Variants in PPARA observed in about 807,000 individuals in gnomAD.
PPARA encodes peroxisome proliferator activated receptor alpha.
A neutral mutation model predicts 42.2 loss-of-function variants in PPARA; 22 were observed. The ratio of observed to expected loss-of-function variants is 0.52; its 90% CI spans 0.37 to 0.74. The LOEUF (loss-of-function observed/expected upper bound fraction) is 0.74, where lower values mean the gene tolerates loss of function less well. PPARA is among the 30% of genes least tolerant of loss of function. The pLI is 0.00. For synonymous variants in PPARA, 242 were observed against 239.3 expected, an observed-to-expected ratio of 1.01 and a Z score of -0.10; for missense variants, 465 against 608.2, an observed-to-expected ratio of 0.76 and a Z score of 2.48.
At chr22:46,166,591 C>T (rs983497142) in intron 2 of PPARA, among the ~76,000 whole-genome samples, 1 of 147,628 alleles carries the variant, frequency 6.8e-6, no homozygotes, top group African/African-American at 2.6e-5. Context: ...GCACTCTAGC[C>T]TGGGTGACAG....
rs187127076 is a variant in PPARA, at chr22:46,193,355, C to T, written c.-42-4987C>T. Among the ~76,000 whole-genome samples, 11 of 152,246 alleles carry T rather than the reference C, an allele frequency of 7.2e-5. No individual in the cohort carries two copies. The highest frequency in any genetic ancestry group is 3.3e-4 in the Admixed American group (5 of 15,290). On this transcript the variant is annotated intron_variant, in intron 3 of 8. Coordinates refer to ENST00000407236, the MANE Select transcript of PPARA (RefSeq NM_005036.6). The surrounding 1 kb of genome is among the most constrained non-coding windows in gnomAD (Gnocchi z 5.3). ...TGCTCAGATTACAGGCGTGAGCCAC[C>T]GCACCTGGCCACTGTTTGATAGCAT... is the stretch of plus-strand genomic sequence containing the variant.
rs1456255356 is a variant in PPARA at position 46,180,115 on chromosome 22, G to A, written c.-43+3279G>A. On this transcript the variant is annotated intron_variant, in intron 3 of 8. Coordinates refer to ENST00000407236, the MANE Select transcript of PPARA (RefSeq NM_005036.6). The surrounding 1 kb of genome is among the most constrained non-coding windows in gnomAD (Gnocchi z 4.2). ...GACCATACCAAACATTAGCCATGAT[G>A]TGCAGGAACTAGAACTCTCATCTTT... 6.6e-6 allele frequency among the ~76,000 whole-genome samples: 1 copy of A among 151,908 alleles called. No individual in the cohort carries two copies. The highest frequency in any genetic ancestry group is 1.5e-5 in the Non-Finnish European group (1 of 68,008).
At position 46,180,897 on chromosome 22, in the gene PPARA, A is replaced by G. The variant is rs560720951; in HGVS notation, c.-43+4061A>G. 1.3e-5 allele frequency among the ~76,000 whole-genome samples: 2 copies of G among 152,284 alleles called. No homozygotes were observed. The highest frequency in any genetic ancestry group is 6.5e-5 in the Admixed American group (1 of 15,290). On this transcript the variant is annotated intron_variant, in intron 3 of 8. Transcript: ENST00000407236. The surrounding 1 kb of genome is among the most constrained non-coding windows in gnomAD (Gnocchi z 4.2). ...GGGAGACCTGGGACCTTTGGTGCCAATGGGAGGACTTTAGCCCGGAAAGGA... is the reference window on the plus strand; with the variant it reads ...GGGAGACCTGGGACCTTTGGTGCCAGTGGGAGGACTTTAGCCCGGAAAGGA...
rs932458286 is a variant in PPARA at position 46,216,953 on chromosome 22, C to T, written c.370-1310C>T. Among the ~76,000 whole-genome samples the T allele has an allele frequency of 4.6e-5, 7 of 152,210 alleles. No homozygotes were observed. Among genetic ancestry groups the T allele is most frequent in the Admixed American group, 6.5e-5 (1 of 15,276 alleles). On this transcript the variant is annotated intron_variant, in intron 5 of 8. Coordinates refer to ENST00000407236, the MANE Select transcript of PPARA (RefSeq NM_005036.6). The surrounding 1 kb of genome is among the most constrained non-coding windows in gnomAD (Gnocchi z 4.5). ...ATCAGAAATCCCTTCTCACGGTGCA[C>T]GCTGCAGGTGTTCACTAACTTGGAA...
intron 3 of PPARA, among the ~76,000 whole-genome samples, chr22:46,177,091 G>A (rs1015184143): frequency 7.2e-5 from 11 of 152,116 alleles, no homozygotes; most frequent in African/African-American, 2.4e-4. Flanking sequence ...GGCGCCTGTA[G>A]TCCCAGCTAC....
intron 2 of PPARA, among the ~76,000 whole-genome samples, chr22:46,172,001 C>T (rs148781999): frequency 1.3e-5 from 2 of 152,244 alleles, no homozygotes; most frequent in Non-Finnish European, 2.9e-5. Context: ...GGGAAAGGCT[C>T]CACCGCGTTG....
Position 46,198,374 on chromosome 22 carries a change from T to C in PPARA, c.-10T>C, listed in dbSNP as rs4253793. The stretch of plus-strand genomic sequence containing the variant: ...GAGCTCGGCGGCACAACCAGCACCA[T>C]CTGGTCGCGATGGTGGACACGGAAA... On this transcript the variant is annotated 5_prime_UTR_variant, in exon 4 of 9. Transcript: ENST00000407236. 1.4e-3 allele frequency: 2,278 copies of C among 1,613,222 alleles called. No homozygotes were observed. The highest frequency in any genetic ancestry group is 1.8e-3 in the Non-Finnish European group (2,129 of 1,179,494).
At chr22:46,153,163 C>CTTTTTTTTTTTTTTT (rs996863467) in intron 2 of PPARA, among the ~76,000 whole-genome samples, 1 of 109,220 alleles carries the variant, frequency 9.2e-6, no homozygotes, top group African/African-American at 3.7e-5. Flanking sequence ...TTCCCACATC[C>CTTTTTTTTTTTTTTT]TTTTTTTTTT....
Position 46,241,913 on chromosome 22 carries a change from GAAAAAAA to G in PPARA, c.*6545_*6551del, listed in dbSNP as rs11344804. ...CTCATGGCTGTTAGATGGATTATTTGAAAAAAAAAAAAAAAAAAGAGAGAAAAAATAA... is the reference window on the plus strand; with the variant it reads ...CTCATGGCTGTTAGATGGATTATTTGAAAAAAAAAAAGAGAGAAAAAATAA... On this transcript the variant is annotated 3_prime_UTR_variant, in exon 9 of 9. Transcript: ENST00000407236. This position sits in a 1 kb window ranked among gnomAD's most constrained non-coding sequence, Gnocchi z 5.7. 6 of 95,520 alleles carry G rather than the reference GAAAAAAA, an allele frequency of 6.3e-5. No homozygotes were observed. Among genetic ancestry groups the G allele is most frequent in the South Asian group, 8.3e-4 (2 of 2,400 alleles). 5.9% of individuals were successfully genotyped at this position (95,520 alleles called of 1,614,324 possible). A position where few individuals can be genotyped will look rare whatever the true frequency, so the allele number is the denominator to read the frequency against.
intron 2 of PPARA, 26 bp from the exon 3 acceptor site, chr22:46,176,727 A>G (rs1929116378): frequency 6.6e-6 from 1 of 152,296 alleles, no homozygotes; most frequent in Non-Finnish European, 1.5e-5. Context: ...GGTGATTTAT[A>G]AACAACAGAA....
rs1189610527 is a variant in PPARA, at chr22:46,165,904, C to A, written c.-126-10849C>A. ...CAGTGGCCAGCTGCAGTGGCTCATG[C>A]ATGTAATCCCAGCGCTTTGGGAGGC... On this transcript the variant is annotated intron_variant, in intron 2 of 8. Transcript: ENST00000407236. The surrounding 1 kb of genome is among the most constrained non-coding windows in gnomAD (Gnocchi z 5.5). Among the ~76,000 whole-genome samples, 1 of 152,226 alleles carries A rather than the reference C, an allele frequency of 6.6e-6. No individual in the cohort carries two copies. The highest frequency in any genetic ancestry group is 1.5e-5 in the Non-Finnish European group (1 of 68,044).
rs1372559232 is a variant in PPARA, at chr22:46,163,005, A to T, written c.-127+11035A>T. Among the ~76,000 whole-genome samples, 1 of 152,220 alleles carries T rather than the reference A, an allele frequency of 6.6e-6. No homozygotes were observed. Among genetic ancestry groups the T allele is most frequent in the Non-Finnish European group, 1.5e-5 (1 of 68,036 alleles). On this transcript the variant is annotated intron_variant, in intron 2 of 8. Transcript: ENST00000407236. This position sits in a 1 kb window ranked among gnomAD's most constrained non-coding sequence, Gnocchi z 4.9. ...AAAACAGCAGGCATGATTCCCTGCC[A>T]CTACCAACCACTGCATCGCATAACT...
In PPARA at chr22:46,239,075, C is replaced by T. The variant is rs144417531; in HGVS notation, c.*3695C>T. 1 of 152,306 alleles carries T rather than the reference C, an allele frequency of 6.6e-6. No homozygotes were observed. The highest frequency in any genetic ancestry group is 2.4e-5 in the African/African-American group (1 of 41,532). 9.4% of individuals were successfully genotyped at this position (152,306 alleles called of 1,614,324 possible). ...GGGCAGAAACCCAGAACTCAGCATTCAAGGATGCCCAGGAGAGCTGTCCCT... is the reference window on the plus strand; with the variant it reads ...GGGCAGAAACCCAGAACTCAGCATTTAAGGATGCCCAGGAGAGCTGTCCCT... On this transcript the variant is annotated 3_prime_UTR_variant, in exon 9 of 9. Transcript: ENST00000407236.
At chr22:46,154,068 G>A (rs1306724556) in intron 2 of PPARA, among the ~76,000 whole-genome samples, 1 of 152,144 alleles carries the variant, frequency 6.6e-6, no homozygotes, top group African/African-American at 2.4e-5. Flanking sequence ...CTCTTTATGT[G>A]TATATATTTA....
chr22:46,165,973 TG>T lies in PPARA; in HGVS notation c.-126-10777del, dbSNP rs1426887461. Among the ~76,000 whole-genome samples, 1 of 152,132 alleles carries T rather than the reference TG, an allele frequency of 6.6e-6. No individual in the cohort carries two copies. Among genetic ancestry groups the T allele is most frequent in the East Asian group, 1.9e-4 (1 of 5,184 alleles). ...TGAGTCTGGGAGTTGGAGACCGGCC[TG>T]GGCAACATAGAACCCCATCTCTATT... On this transcript the variant is annotated intron_variant, in intron 2 of 8. Coordinates refer to ENST00000407236, the MANE Select transcript of PPARA (RefSeq NM_005036.6). The surrounding 1 kb of genome is among the most constrained non-coding windows in gnomAD (Gnocchi z 5.5).
rs145265093 is a variant in PPARA at position 46,232,073 on chromosome 22, G to A, written c.993G>A (p.Leu331=). The A allele has an allele frequency of 2.4e-4, 392 of 1,614,204 alleles. No homozygotes were observed. The highest frequency in any genetic ancestry group is 1.8e-3 in the African/African-American group (134 of 75,054). Residue 331 remains leucine, a synonymous_variant, in exon 8 of 9, where the codon CTG becomes CTA. Coordinates refer to ENST00000407236, the MANE Select transcript of PPARA (RefSeq NM_005036.6). The surrounding 1 kb of genome is among the most constrained non-coding windows in gnomAD (Gnocchi z 5.3). ...CTGTGATGAACAAAGACGGGATGCT[G>A]GTAGCGTATGGAAATGGGTTTATAA... ...LSSVMNKDGM[L]VAYGNGFITR... is the part of the protein sequence containing the mutation.
chr22:46,158,359 A>G (rs1276033678), intron 2 of PPARA, among the ~76,000 whole-genome samples: 4 of 152,106 alleles, frequency 2.6e-5, no homozygotes, highest in Non-Finnish European at 4.4e-5. Flanking sequence ...GTGAGCTGAG[A>G]TCGCACCACT....
At chr22:46,201,223 G>A (rs1343296932) in intron 4 of PPARA, among the ~76,000 whole-genome samples, 3 of 152,084 alleles carry the variant, frequency 2.0e-5, no homozygotes, top group Non-Finnish European at 4.4e-5. Context: ...TGCTCTAGAG[G>A]GCTATTCTCT....
In PPARA at chr22:46,212,293, G is replaced by A. The variant is rs541973174; in HGVS notation, c.209-2880G>A. Among the ~76,000 whole-genome samples, 1 of 152,262 alleles carries A rather than the reference G, an allele frequency of 6.6e-6. No individual in the cohort carries two copies. Among genetic ancestry groups the A allele is most frequent in the African/African-American group, 2.4e-5 (1 of 41,556 alleles). On this transcript the variant is annotated intron_variant, in intron 4 of 8. Coordinates refer to ENST00000407236, the MANE Select transcript of PPARA (RefSeq NM_005036.6). The surrounding 1 kb of genome is among the most constrained non-coding windows in gnomAD (Gnocchi z 4.2). ...GCTGGTCTCAAACTCCTGAGCTCAA[G>A]TTATCTGCCAGCCTCGGCCTCCCAA...
Sources: gnomAD v4.1 joint callset for allele counts (sites outside exome capture counted in the v4.1 genomes callset) on GRCh38, gnomAD v4.1.1 for gene constraint, Gnocchi (gnomAD v3.1) non-coding constraint, MANE v1.5 for transcripts, NCBI Gene and HGNC (gene_info 2026-07-23, HGNC 2026-07-21) for gene names.